The following AOPEP variants were observed in gnomAD, a reference collection of about 807,000 sequenced individuals.
The protein encoded by AOPEP is aminopeptidase O (putative).
In AOPEP, 77 loss-of-function variants were observed where a neutral mutation model predicts 98.1. The observed-to-expected ratio is 0.78, with a 90% confidence interval of 0.65 to 0.95. The LOEUF is 0.95. Among genes scored for constraint, AOPEP ranks in the 40% least tolerant of loss-of-function variants. AOPEP has a pLI of 0.00. For synonymous variants in AOPEP, 346 were observed against 365.3 expected, an observed-to-expected ratio of 0.95 and a Z score of 0.60; for missense variants, 1,024 against 1,024.7, an observed-to-expected ratio of 1.00 and a Z score of 0.01.
At chr9:94,897,615 A>G (rs1424966668) in intron 5 of AOPEP, among the ~76,000 whole-genome samples, 1 of 152,218 alleles carries the variant, frequency 6.6e-6, no homozygotes, top group African/African-American at 2.4e-5. Context: ...AAAAAGAAAT[A>G]CAACAAATGA....
chr9:94,916,702 A>T lies in AOPEP; in HGVS notation c.1365-7284A>T, dbSNP rs538299617. Among the ~76,000 whole-genome samples, 251 of 149,492 alleles carry T rather than the reference A, an allele frequency of 1.7e-3. 3 individuals carry two copies. Among genetic ancestry groups the T allele is most frequent in the African/African-American group, 6.1e-3 (243 of 39,874 alleles). ...AGAGCGAGACTCCCTCTCAAAAAAA[A>T]AAAAAAATTAAATAAATAAATAAAT... is the stretch of plus-strand genomic sequence containing the variant. On this transcript the variant is annotated intron_variant, in intron 5 of 16. Transcript: ENST00000375315.
At chr9:95,087,482 CAAAAAAAAA>C (rs746666179), downstream of AOPEP, among the ~76,000 whole-genome samples, 17 of 37,434 alleles carry the variant, frequency 4.5e-4, no homozygotes, top group Non-Finnish European at 3.0e-4. Context: ...GACTCCATCT[CAAAAAAAAA>C]AAAAAAAAAA....
chr9:95,102,054 C>T, the AOPEP span, among the ~76,000 whole-genome samples: 6 of 152,138 alleles, frequency 3.9e-5, no homozygotes, highest in East Asian at 3.9e-4. Flanking sequence ...ACACAGTGAG[C>T]GGTGCCATTT....
In AOPEP at chr9:94,930,093, G is replaced by A. The variant is rs1360019913; in HGVS notation, c.1661+1562G>A. 6.6e-6 allele frequency among the ~76,000 whole-genome samples: 1 copy of A among 152,202 alleles called. No individual in the cohort carries two copies. On this transcript the variant is annotated intron_variant, in intron 7 of 16. Coordinates refer to ENST00000375315, the MANE Select transcript of AOPEP (RefSeq NM_001193329.3). This position sits in a 1 kb window ranked among gnomAD's most constrained non-coding sequence, Gnocchi z 4.5. ...AGTATTTGGACGGTGCTGCTCTGCT[G>A]CTGTGTGGAGAGCACCACAGGCAGC...
At chr9:95,063,969 C>T (rs1006332103) in intron 14 of AOPEP, among the ~76,000 whole-genome samples, 1 of 152,000 alleles carries the variant, frequency 6.6e-6, no homozygotes, top group African/African-American at 2.4e-5. Context: ...AGGGGAGTAG[C>T]TAGAAAAAGC....
chr9:94,945,372 C>T (rs1215520849), intron 7 of AOPEP, among the ~76,000 whole-genome samples: 2 of 152,158 alleles, frequency 1.3e-5, no homozygotes, highest in African/African-American at 2.4e-5. Flanking sequence ...AACCATTGGG[C>T]GTCATCATGG....
At chr9:94,777,695 G>C (rs751399193) in intron 3 of AOPEP, among the ~76,000 whole-genome samples, 1 of 139,358 alleles carries the variant, frequency 7.2e-6, no homozygotes, top group South Asian at 2.4e-4. Context: ...GTACAGTGGC[G>C]CGATCTCAGC....
chr9:94,979,901 G>T (rs75399487), intron 11 of AOPEP, among the ~76,000 whole-genome samples: 1,611 of 152,270 alleles, frequency 0.011, 30 homozygotes, highest in African/African-American at 0.037. Flanking sequence ...TCCCTGACAC[G>T]CCTGTGGCTC....
At chr9:95,108,094 A>G in the AOPEP span, among the ~76,000 whole-genome samples, 1 of 152,202 alleles carries the variant, frequency 6.6e-6, no homozygotes, top group African/African-American at 2.4e-5. Context: ...ACTTAGGCCT[A>G]TTCTGAGAAT....
intron 5 of AOPEP, among the ~76,000 whole-genome samples, chr9:94,917,947 G>A (rs1376798056): frequency 6.6e-6 from 1 of 151,334 alleles, no homozygotes; most frequent in Non-Finnish European, 1.5e-5. Context: ...TTCTTTCCTT[G>A]TCTACTTCCC....
chr9:94,734,593 T>C (rs996052333), intron 1 of AOPEP, among the ~76,000 whole-genome samples: 6 of 152,238 alleles, frequency 3.9e-5, no homozygotes, highest in African/African-American at 1.4e-4. Flanking sequence ...CTACAGTGGA[T>C]TTTAAATAGT....
intron 5 of AOPEP, among the ~76,000 whole-genome samples, chr9:94,920,560 C>A (rs910331907): frequency 6.6e-6 from 1 of 152,078 alleles, no homozygotes; most frequent in East Asian, 1.9e-4. Flanking sequence ...CAGGGCTCCA[C>A]GGAAAAAGCA....
intron 10 of AOPEP, among the ~76,000 whole-genome samples, chr9:94,976,357 G>C (rs938013624): frequency 6.6e-6 from 1 of 152,250 alleles, no homozygotes; most frequent in South Asian, 2.1e-4. Context: ...AGAAGCATCT[G>C]TAAGTGAAAA....
chr9:94,938,448 G>A (rs1456509964), intron 7 of AOPEP, among the ~76,000 whole-genome samples: 1 of 152,226 alleles, frequency 6.6e-6, no homozygotes, highest in African/African-American at 2.4e-5. Context: ...ACTGTTGACA[G>A]ATTTAGTTAG....
intron 7 of AOPEP, among the ~76,000 whole-genome samples, chr9:94,940,306 T>C (rs1413535988): frequency 6.6e-6 from 1 of 152,222 alleles, no homozygotes; most frequent in Admixed American, 6.5e-5. Flanking sequence ...TTGGTGGATC[T>C]AAAATGAATA....
chr9:94,915,253 T>A (rs1042489432), intron 5 of AOPEP, among the ~76,000 whole-genome samples: 4 of 152,196 alleles, frequency 2.6e-5, no homozygotes, highest in African/African-American at 9.6e-5. Context: ...TGGGAGAAAA[T>A]AAACAATATA....
At chr9:94,842,281 G>T (rs140603570) in intron 5 of AOPEP, among the ~76,000 whole-genome samples, 5,672 of 152,138 alleles carry the variant, frequency 0.037, 144 homozygotes, top group Non-Finnish European at 0.059. Flanking sequence ...AGAATTGCTT[G>T]AACCTGGGAG....
In AOPEP at chr9:95,007,481, G is replaced by A. The variant is rs181010175; in HGVS notation, c.2115+1865G>A. 9.9e-3 allele frequency among the ~76,000 whole-genome samples: 1,504 copies of A among 152,184 alleles called. 16 individuals are homozygous for A. Among genetic ancestry groups the A allele is most frequent in the Non-Finnish European group, 0.013 (874 of 68,006 alleles). Reference sequence around the variant, plus strand: ...ACAAGCTCTTGCGTTAAAACTTAGGGGGAAGATTTGCCTCTCACTTTTTTT... The same window carrying A: ...ACAAGCTCTTGCGTTAAAACTTAGGAGGAAGATTTGCCTCTCACTTTTTTT... On this transcript the variant is annotated intron_variant, in intron 13 of 16. Transcript: ENST00000375315.
intron 3 of AOPEP, among the ~76,000 whole-genome samples, chr9:94,792,502 C>A (rs1845948406): frequency 6.6e-6 from 1 of 152,044 alleles, no homozygotes; most frequent in Non-Finnish European, 1.5e-5. Context: ...TGAGGGACCC[C>A]CTGCACTACC....
Sources: allele counts gnomAD v4.1 joint callset (sites outside exome capture counted in the v4.1 genomes callset), GRCh38; gene constraint gnomAD v4.1.1; non-coding constraint Gnocchi (gnomAD v3.1); transcripts MANE v1.5; gene names NCBI Gene and HGNC (gene_info 2026-07-23, HGNC 2026-07-21).